Variants in TMEM161B observed in about 807,000 individuals in gnomAD.
TMEM161B encodes transmembrane protein 161B.
A neutral mutation model predicts 61.8 loss-of-function variants in TMEM161B; 34 were observed. That is an observed-to-expected ratio of 0.55 (90% CI 0.42 to 0.73). The LOEUF (loss-of-function observed/expected upper bound fraction) is 0.73, where lower values mean the gene tolerates loss of function less well. Among genes scored for constraint, TMEM161B ranks in the 30% least tolerant of loss-of-function variants. The pLI, the probability that TMEM161B is intolerant of heterozygous loss-of-function variation, is 0.00. For missense variants in TMEM161B, 456 were observed against 558.5 expected (o/e 0.82, Z 1.85); for synonymous variants, 167 against 192.8 (o/e 0.87, Z 1.11).
intron 5 of TMEM161B, among the ~76,000 whole-genome samples, chr5:88,210,819 C>T (rs1433429098): frequency 2.0e-5 from 3 of 152,116 alleles, no homozygotes. Context: ...ACTAACCAAG[C>T]CCTAATTACA....
intron 8 of TMEM161B, 86 bp downstream of exon 8, chr5:88,205,728 T>C: frequency 6.9e-7 from 1 of 1,452,092 alleles, no homozygotes; most frequent in Non-Finnish European, 9.3e-7. Context: ...AATACAATAA[T>C]TTATGATTAC....
intron 3 of TMEM161B, among the ~76,000 whole-genome samples, chr5:88,226,200 A>C (rs983772118): frequency 6.6e-6 from 1 of 152,172 alleles, no homozygotes; most frequent in Non-Finnish European, 1.5e-5. Context: ...ATGCAAATGA[A>C]GACAAAGTGC....
chr5:88,261,772 C>T (rs1316532831), intron 1 of TMEM161B, among the ~76,000 whole-genome samples: 1 of 131,424 alleles, frequency 7.6e-6, no homozygotes, highest in Admixed American at 7.8e-5. Flanking sequence ...ACACACCTTA[C>T]ACTCTTCACA....
At chr5:88,266,432 G>C (rs1756385355) in intron 1 of TMEM161B, among the ~76,000 whole-genome samples, 1 of 152,142 alleles carries the variant, frequency 6.6e-6, no homozygotes, top group African/African-American at 2.4e-5. Context: ...GTGGAAATCA[G>C]ACTAACTTTT....
At chr5:88,230,953 G>A (rs866121593) in intron 2 of TMEM161B, among the ~76,000 whole-genome samples, 36 of 152,044 alleles carry the variant, frequency 2.4e-4, no homozygotes, top group Non-Finnish European at 2.4e-4. Context: ...GTGATGGGAG[G>A]GGCCTGGAAA....
chr5:88,229,246 C>A (rs1320021973), intron 2 of TMEM161B, among the ~76,000 whole-genome samples: 3 of 152,158 alleles, frequency 2.0e-5, no homozygotes, highest in Non-Finnish European at 4.4e-5. Flanking sequence ...ATCTACAAAT[C>A]ACTTAAATTT....
At chr5:88,259,007 T>C (rs1755348882) in intron 1 of TMEM161B, among the ~76,000 whole-genome samples, 1 of 152,212 alleles carries the variant, frequency 6.6e-6, no homozygotes, top group Admixed American at 6.5e-5. Flanking sequence ...TCTATAATCA[T>C]ACATTTATAA....
In TMEM161B at chr5:88,209,737, G is replaced by A. The variant is rs146161696; in HGVS notation, c.447-2557C>T. On this transcript the variant is annotated intron_variant, in intron 5 of 11. Transcript: ENST00000296595. ...TAACCCGTATGTAATACTATGATCT[G>A]GCCACACTCACATGTTCAAGCTTTC... Among the ~76,000 whole-genome samples, 238 of 152,120 alleles carry A rather than the reference G, an allele frequency of 1.6e-3. 1 individual carries two copies. Among genetic ancestry groups the A allele is most frequent in the Middle Eastern group, 6.8e-3 (2 of 292 alleles).
In TMEM161B at chr5:88,199,205, C is replaced by G. The variant is rs965164826; in HGVS notation, c.915-55G>C. Reference sequence around the variant, plus strand: ...TCAAAGACAACAATATGCTAGCATGCTCGTTATATGTTAATGGTCACCATA... The same window carrying G: ...TCAAAGACAACAATATGCTAGCATGGTCGTTATATGTTAATGGTCACCATA... On this transcript the variant is annotated intron_variant, in intron 9 of 11. Transcript: ENST00000296595. The G allele has an allele frequency of 2.2e-5, 34 of 1,511,260 alleles. No individual in the cohort carries two copies. The African/African-American group carries it at 4.3e-4, about 19-fold the overall frequency. The allele number at this position is 1,511,260 out of a possible 1,614,324, so 93.6% of individuals were successfully genotyped here.
chr5:88,185,629 G>A (rs776618124), downstream of TMEM161B, among the ~76,000 whole-genome samples: 7 of 152,100 alleles, frequency 4.6e-5, no homozygotes, highest in Non-Finnish European at 7.4e-5. Context: ...AAGCATAAAC[G>A]TATTTTTAAA....
Position 88,195,631 on chromosome 5 carries a change from A to C in TMEM161B, c.*580T>G. On this transcript the variant is annotated 3_prime_UTR_variant, in exon 12 of 12. Coordinates refer to ENST00000296595, the MANE Select transcript of TMEM161B (RefSeq NM_153354.5). ...TATTCTCAAGCAGCAGTAGTTATAT[A>C]TTTTAACCATATTCATCTCCATTAA... 1 of 984,886 alleles carries C rather than the reference A, an allele frequency of 1.0e-6. No homozygotes were observed. The highest frequency in any genetic ancestry group is 1.2e-6 in the Non-Finnish European group (1 of 829,110). The allele number at this position is 984,886 out of a possible 1,614,324, so 61.0% of individuals were successfully genotyped here.
rs767066841 is a variant in TMEM161B at position 88,205,816 on chromosome 5, T to C, written c.798A>G (p.Thr266=). The change falls in exon 8 of 12, where the codon ACA becomes ACG. Residue 266 remains threonine (T), a splice_region_variant and synonymous_variant. Transcript: ENST00000296595. ...DALNLATEKI[T]QTLLHINFLA... ...GCTTATGTACATTTTCCGCTTACTG[T>C]GTAATTTTTTCTGTTGCCAAATTCA... The C allele has an allele frequency of 6.2e-7, 1 of 1,612,354 alleles. No homozygotes were observed.
At chr5:88,187,507 T>G (rs1212092049), downstream of TMEM161B, among the ~76,000 whole-genome samples, 1 of 152,204 alleles carries the variant, frequency 6.6e-6, no homozygotes, top group Non-Finnish European at 1.5e-5. Flanking sequence ...TCTTAACATT[T>G]TGTAGAGTTC....
At position 88,231,791 on chromosome 5, in the gene TMEM161B, G is replaced by C. The variant is rs563577840; in HGVS notation, c.108-3263C>G. ...ACAAACACTGAACCATTGCTCCTAG[G>C]GGAAATACAGGGTTAGGTTCCTGCG... is the stretch of plus-strand genomic sequence containing the variant. On this transcript the variant is annotated intron_variant, in intron 2 of 11. Coordinates refer to ENST00000296595, the MANE Select transcript of TMEM161B (RefSeq NM_153354.5). 2.0e-5 allele frequency among the ~76,000 whole-genome samples: 3 copies of C among 152,206 alleles called. No individual in the cohort carries two copies. In the East Asian group the frequency reaches 5.8e-4, roughly 29 times the overall value.
intron 8 of TMEM161B, 70 bp downstream of exon 8, chr5:88,205,744 A>T (rs558504940): frequency 2.0e-6 from 3 of 1,519,470 alleles, no homozygotes; most frequent in Non-Finnish European, 2.7e-6. Context: ...ATTACATTAC[A>T]ATATTATACC....
chr5:88,205,834 C>A lies in TMEM161B; in HGVS notation c.780G>T (p.Leu260Phe). ...CTTACTGTGTAATTTTTTCTGTTGC[C>A]AAATTCAGGGCATCCAGATGCATTT... ...LAQMHLDALN[L>F]ATEKITQTLL... Residue 260 changes from leucine (L) to phenylalanine (F), a missense_variant, in exon 8 of 12, where the codon TTG becomes TTT. Transcript: ENST00000296595. The A allele has an allele frequency of 6.2e-7, 1 of 1,612,114 alleles. No individual in the cohort carries two copies. The highest frequency in any genetic ancestry group is 8.5e-7 in the Non-Finnish European group (1 of 1,179,162).
intron 1 of TMEM161B, among the ~76,000 whole-genome samples, chr5:88,260,412 T>C (rs1755537685): frequency 6.6e-6 from 1 of 152,172 alleles, no homozygotes; most frequent in Admixed American, 6.5e-5. Context: ...TTCAATGCCA[T>C]GTATTTATTT....
chr5:88,263,609 ATTCTTACTAACATGG>A (rs1755971275), intron 1 of TMEM161B, among the ~76,000 whole-genome samples: 3 of 152,212 alleles, frequency 2.0e-5, no homozygotes, highest in Non-Finnish European at 2.9e-5. Flanking sequence ...AGCTGTATTC[ATTCTTACTAACATGG>A]GCAAAACCAC....
rs372635692 is a variant in TMEM161B at position 88,209,920 on chromosome 5, A to C, written c.447-2740T>G. Among the ~76,000 whole-genome samples the C allele has an allele frequency of 1.2e-3, 183 of 152,346 alleles. 1 individual carries two copies. The highest frequency in any genetic ancestry group is 4.1e-3 in the African/African-American group (170 of 41,580). On this transcript the variant is annotated intron_variant, in intron 5 of 11. Coordinates refer to ENST00000296595, the MANE Select transcript of TMEM161B (RefSeq NM_153354.5). The stretch of plus-strand genomic sequence containing the variant: ...ACAAAAGCTCCATATCTTTCATGAT[A>C]CTTAACATTACCTTCCCAGCTGAGG...
Sources: allele counts gnomAD v4.1 joint callset (sites outside exome capture counted in the v4.1 genomes callset), GRCh38; gene constraint gnomAD v4.1.1; transcripts MANE v1.5; gene names NCBI Gene and HGNC (gene_info 2026-07-23, HGNC 2026-07-21).